Variants in ANK2 observed in about 807,000 individuals in gnomAD.
ANK2 encodes ankyrin 2, also known as ankyrin-2.
Under a neutral mutation model 360.5 loss-of-function variants are expected in ANK2, and 83 were observed. The observed-to-expected ratio is 0.23, with a 90% CI of 0.19 to 0.28. The LOEUF is 0.28. Among genes scored for constraint, ANK2 ranks in the 10% least tolerant of loss-of-function variants. The pLI, the probability that ANK2 is intolerant of heterozygous loss-of-function variation, is 1.00. For synonymous variants in ANK2, 1,740 were observed against 1,759.5 expected (o/e 0.99, Z 0.28); for missense variants, 4,201 against 4,795.7 (o/e 0.88, Z 3.66).
intron 1 of ANK2, among the ~76,000 whole-genome samples, chr4:112,884,519 A>T (rs933956474): frequency 6.6e-6 from 1 of 152,124 alleles, no homozygotes; most frequent in South Asian, 2.1e-4. Flanking sequence ...TCAGACATTA[A>T]AAAGTATAAA....
chr4:113,290,692 T>C (rs986558156), intron 20 of ANK2, among the ~76,000 whole-genome samples: 5 of 152,190 alleles, frequency 3.3e-5, no homozygotes, highest in African/African-American at 1.2e-4. Context: ...ATTGCTAAAA[T>C]TTTGAAAGCT....
intron 1 of ANK2, chr4:113,106,834 C>G (rs747936203): frequency 3.9e-6 from 2 of 518,920 alleles, no homozygotes; most frequent in African/African-American, 3.9e-5. Context: ...TTATTTTATT[C>G]CTGTAACTGG....
intron 4 of ANK2, among the ~76,000 whole-genome samples, chr4:113,203,178 C>T (rs1204418893): frequency 6.6e-6 from 1 of 152,144 alleles, no homozygotes; most frequent in East Asian, 1.9e-4. Context: ...TCTAAATAAT[C>T]CTACATACGT....
At chr4:113,279,885 A>G (rs990512033) in intron 17 of ANK2, among the ~76,000 whole-genome samples, 1 of 151,974 alleles carries the variant, frequency 6.6e-6, no homozygotes, top group African/African-American at 2.4e-5. Flanking sequence ...AACCTCATCA[A>G]TTCAGCACAT....
chr4:113,304,042 G>C (rs2076151315), intron 23 of ANK2, among the ~76,000 whole-genome samples: 2 of 152,176 alleles, frequency 1.3e-5, no homozygotes, highest in Admixed American at 6.5e-5. Flanking sequence ...ATGAACAAAT[G>C]TTGGATCAAT....
intron 18 of ANK2, among the ~76,000 whole-genome samples, chr4:113,284,728 C>T (rs1037490331): frequency 6.6e-6 from 1 of 152,024 alleles, no homozygotes; most frequent in African/African-American, 2.4e-5. Context: ...ATGTTTATCA[C>T]TAGAGTAAAA....
chr4:112,953,420 C>G (rs1464023565), intron 2 of ANK2, among the ~76,000 whole-genome samples: 1 of 152,236 alleles, frequency 6.6e-6, no homozygotes, highest in Non-Finnish European at 1.5e-5. Context: ...GCCAGAGTCT[C>G]TTATGACATT....
chr4:113,354,270 G>A lies in ANK2; in HGVS notation c.5652G>A (p.Ser1884=), dbSNP rs1056627374. Residue 1884 remains serine, a synonymous_variant, in exon 38 of 46, where the codon TCG becomes TCA. Coordinates refer to ENST00000357077, the MANE Select transcript of ANK2 (RefSeq NM_001148.6). ...AGAAACACTCACCTGTATCACCCTC[G>A]ACAAAAACTGAAAGGCACTCTCCTG... ...KTEKHSPVSP[S]TKTERHSPVS... is the part of the protein sequence containing the mutation. The A allele has an allele frequency of 1.9e-6, 3 of 1,613,698 alleles. No individual in the cohort carries two copies. The highest frequency in any genetic ancestry group is 1.1e-5 in the South Asian group (1 of 91,056).
intron 45 of ANK2, among the ~76,000 whole-genome samples, chr4:113,378,628 T>G (rs1048273698): frequency 6.6e-6 from 1 of 152,254 alleles, no homozygotes; most frequent in African/African-American, 2.4e-5. Context: ...GCTTTATGAT[T>G]CTGCATGTGA....
At chr4:112,760,936 A>G in the ANK2 span, among the ~76,000 whole-genome samples, 1 of 150,848 alleles carries the variant, frequency 6.6e-6, no homozygotes, top group Non-Finnish European at 1.5e-5. Context: ...CCTCCCGAGT[A>G]GCTGGAATTA....
intron 1 of ANK2, among the ~76,000 whole-genome samples, chr4:113,137,679 G>T (rs1364124092): frequency 1.3e-5 from 2 of 150,762 alleles, no homozygotes; most frequent in African/African-American, 4.9e-5. Flanking sequence ...TTATCTTCTG[G>T]TAGAGAAGAT....
At chr4:112,881,013 A>G (rs927735003) in intron 1 of ANK2, among the ~76,000 whole-genome samples, 1 of 152,248 alleles carries the variant, frequency 6.6e-6, no homozygotes, top group Non-Finnish European at 1.5e-5. Flanking sequence ...CATAGAAATA[A>G]CTGCTTAATA....
At position 113,272,259 on chromosome 4, in the gene ANK2, A is replaced by G. The variant is rs1335129092; in HGVS notation, c.1486-2193A>G. ...AGACTGCAGTGGCAAAGCAGAGCTC[A>G]CCTACTTCCGGTCCAGGCTGTGTCA... On this transcript the variant is annotated intron_variant, in intron 14 of 45. Coordinates refer to ENST00000357077, the MANE Select transcript of ANK2 (RefSeq NM_001148.6). Among the ~76,000 whole-genome samples, 5 of 152,202 alleles carry G rather than the reference A, an allele frequency of 3.3e-5. 1 individual carries two copies. The highest frequency in any genetic ancestry group is 6.5e-5 in the Admixed American group (1 of 15,284).
chr4:112,777,991 C>T, the ANK2 span, among the ~76,000 whole-genome samples: 3 of 147,190 alleles, frequency 2.0e-5, no homozygotes, highest in South Asian at 2.2e-4. Flanking sequence ...TTTTTTGAGA[C>T]GGAGTTTTGC....
At position 113,345,767 on chromosome 4, in the gene ANK2, G is replaced by A. The variant is rs189031217; in HGVS notation, c.4249-133G>A. On this transcript the variant is annotated intron_variant, in intron 34 of 45. Coordinates refer to ENST00000357077, the MANE Select transcript of ANK2 (RefSeq NM_001148.6). ...GGCTTTCCAAATGGTAATAGGAAAA[G>A]AGAAAGGAAATCCTTTGAGTTCTTA... is the stretch of plus-strand genomic sequence containing the variant. 182 of 1,258,494 alleles carry A rather than the reference G, an allele frequency of 1.4e-4. 1 individual carries two copies. In the African/African-American group the frequency reaches 2.6e-3, roughly 18 times the overall value. The allele number at this position is 1,258,494 out of a possible 1,614,324, so 78.0% of individuals were successfully genotyped here.
chr4:113,002,787 G>A (rs1445117457), intron 2 of ANK2, among the ~76,000 whole-genome samples: 2 of 152,172 alleles, frequency 1.3e-5, no homozygotes. Flanking sequence ...TCTTGTGAGT[G>A]GGTCCTTGTC....
rs80313772 is a variant in ANK2 at position 112,995,725 on chromosome 4, T to A, written c.21+91211T>A. 0.013 allele frequency among the ~76,000 whole-genome samples: 1,908 copies of A among 152,330 alleles called. 135 individuals are homozygous for A. The East Asian group carries it at 0.22, about 17-fold the overall frequency. On this transcript the variant is annotated intron_variant, in intron 2 of 30. Transcript: ENST00000503271. ...CTTCTGGGATTTTTATAGTTTTAGATCTTACATTTAAGTCCTTAATCTATC... is the reference window on the plus strand; with the variant it reads ...CTTCTGGGATTTTTATAGTTTTAGAACTTACATTTAAGTCCTTAATCTATC...
the ANK2 span, among the ~76,000 whole-genome samples, chr4:112,783,059 G>A: frequency 9.9e-5 from 15 of 151,834 alleles, no homozygotes; most frequent in Admixed American, 2.0e-4. Context: ...ACAGGCGTGC[G>A]CCACCATGCC....
chr4:112,762,630 T>C, the ANK2 span, among the ~76,000 whole-genome samples: 110,194 of 152,120 alleles, frequency 0.72, 40,657 homozygotes, highest in East Asian at 0.97. Flanking sequence ...GTGCTTCAGC[T>C]TCCAGAATAG....
Sources: allele counts gnomAD v4.1 joint callset (sites outside exome capture counted in the v4.1 genomes callset), GRCh38; gene constraint gnomAD v4.1.1; transcripts MANE v1.5; gene names NCBI Gene and HGNC (gene_info 2026-07-23, HGNC 2026-07-21).